Variants in DGKB observed in about 807,000 individuals in gnomAD.
The protein encoded by DGKB is 90 kDa diacylglycerol kinase.
In DGKB, 67 loss-of-function variants were observed where a neutral mutation model predicts 114.3. That is an observed-to-expected ratio of 0.59 (90% CI 0.48 to 0.72). The LOEUF is 0.72. Ranked by LOEUF, DGKB falls within the 30% of genes least tolerant of loss-of-function variation. The pLI, the probability that DGKB is intolerant of heterozygous loss-of-function variation, is 0.00. For synonymous variants in DGKB, 398 were observed against 323.1 expected (o/e 1.23, Z -2.49); for missense variants, 907 against 975.2 (o/e 0.93, Z 0.93).
rs1412279774 is a variant in DGKB, at chr7:14,259,312, ATTAAG to A, written c.2122+79198_2122+79202del. 7.8e-5 allele frequency among the ~76,000 whole-genome samples: 9 copies of A among 114,878 alleles called. 1 individual carries two copies. Among genetic ancestry groups the A allele is most frequent in the African/African-American group, 3.6e-4 (9 of 24,790 alleles). The allele number at this position is 114,878 out of a possible 152,430, so 75.4% of individuals were successfully genotyped here. On this transcript the variant is annotated intron_variant, in intron 23 of 25. Coordinates refer to ENST00000402815, the MANE Select transcript of DGKB (RefSeq NM_001350709.2). ...CAATACTGGCAAATTAACAAGGTCT[ATTAAG>A]TTAACCTCAATTAAATCTTTCGTGT...
chr7:14,249,371 G>A (rs1457961743), intron 23 of DGKB, among the ~76,000 whole-genome samples: 1 of 152,056 alleles, frequency 6.6e-6, no homozygotes. Flanking sequence ...TTAGTCGGGA[G>A]GTATTCCTTC....
At position 14,659,178 on chromosome 7, in the gene DGKB, G is replaced by A. The variant is rs183055276; in HGVS notation, c.1134+13751C>T. ...AAAGGCTCATCAGATATTATAACAAGAGAGTGTATTCCAGGAAGAACACAC... is the reference window on the plus strand; with the variant it reads ...AAAGGCTCATCAGATATTATAACAAAAGAGTGTATTCCAGGAAGAACACAC... On this transcript the variant is annotated intron_variant, in intron 13 of 25. Transcript: ENST00000402815. 2.6e-5 allele frequency among the ~76,000 whole-genome samples: 4 copies of A among 152,066 alleles called. No individual in the cohort carries two copies. The East Asian group carries it at 5.8e-4, about 22-fold the overall frequency.
chr7:14,555,129 G>C (rs1199956735), intron 20 of DGKB, among the ~76,000 whole-genome samples: 2 of 151,964 alleles, frequency 1.3e-5, no homozygotes, highest in South Asian at 2.1e-4. Context: ...ATTTCACATG[G>C]CTTTGAAGTA....
chr7:14,654,185 G>A (rs1407144570), intron 13 of DGKB, among the ~76,000 whole-genome samples: 1 of 151,906 alleles, frequency 6.6e-6, no homozygotes, highest in East Asian at 1.9e-4. Context: ...GTTTAATAAA[G>A]TTGCAGGATA....
chr7:14,530,951 C>CA (rs902015245), intron 20 of DGKB, among the ~76,000 whole-genome samples: 3 of 151,092 alleles, frequency 2.0e-5, no homozygotes, highest in East Asian at 1.9e-4. Context: ...AAATTTAAAC[C>CA]AAAAAAATCT....
At position 14,779,373 on chromosome 7, in the gene DGKB, A is replaced by T. The variant is rs6960045; in HGVS notation, c.71-21642T>A. 6.4e-3 allele frequency among the ~76,000 whole-genome samples: 968 copies of T among 151,790 alleles called. 12 individuals are homozygous for T. Among genetic ancestry groups the T allele is most frequent in the African/African-American group, 0.022 (919 of 41,394 alleles). On this transcript the variant is annotated intron_variant, in intron 2 of 25. Transcript: ENST00000402815. Reference sequence around the variant, plus strand: ...AAACATGGTGAAACCTGGTCTCTATAAAAAAATACAAAAATTAGCTGGGTC... The same window carrying T: ...AAACATGGTGAAACCTGGTCTCTATTAAAAAATACAAAAATTAGCTGGGTC...
chr7:14,198,707 AT>A (rs1357385451), intron 23 of DGKB, among the ~76,000 whole-genome samples: 2 of 152,038 alleles, frequency 1.3e-5, no homozygotes, highest in Admixed American at 1.3e-4. Flanking sequence ...ATATCAAAAT[AT>A]TTCACAATCA....
intron 13 of DGKB, among the ~76,000 whole-genome samples, chr7:14,659,909 C>G (rs1055994768): frequency 2.6e-5 from 4 of 151,922 alleles, no homozygotes; most frequent in African/African-American, 9.7e-5. Flanking sequence ...TACGTCCCAT[C>G]AATACCTAAT....
At chr7:14,199,800 A>G (rs1384072426) in intron 23 of DGKB, among the ~76,000 whole-genome samples, 1 of 152,092 alleles carries the variant, frequency 6.6e-6, no homozygotes, top group African/African-American at 2.4e-5. Context: ...AGGAGTAGTG[A>G]CAACGAAGTA....
At chr7:14,562,161 G>C (rs1005791079) in intron 20 of DGKB, among the ~76,000 whole-genome samples, 1 of 152,226 alleles carries the variant, frequency 6.6e-6, no homozygotes, top group Non-Finnish European at 1.5e-5. Flanking sequence ...AGCCTTGGCA[G>C]CTTCCACATG....
intron 21 of DGKB, among the ~76,000 whole-genome samples, chr7:14,407,432 A>G (rs7790717): frequency 6.6e-6 from 1 of 151,736 alleles, no homozygotes; most frequent in African/African-American, 2.4e-5. Flanking sequence ...ACGGTGTGAG[A>G]CTGGAGAACT....
At chr7:14,803,812 C>T (rs954702895) in intron 2 of DGKB, among the ~76,000 whole-genome samples, 29 of 151,940 alleles carry the variant, frequency 1.9e-4, no homozygotes, top group African/African-American at 7.0e-4. Flanking sequence ...AAGTTACTTA[C>T]CCTTATATGC....
chr7:14,648,564 T>A (rs984458723), intron 13 of DGKB, among the ~76,000 whole-genome samples: 5 of 151,948 alleles, frequency 3.3e-5, no homozygotes, highest in African/African-American at 1.2e-4. Flanking sequence ...ACAGGAAAAC[T>A]GGAAACTCTA....
chr7:14,460,244 A>C (rs533498454), intron 21 of DGKB, among the ~76,000 whole-genome samples: 1 of 152,274 alleles, frequency 6.6e-6, no homozygotes, highest in East Asian at 1.9e-4. Flanking sequence ...ATTCACACAT[A>C]ACAATATTAA....
rs189127418 is a variant in DGKB, at chr7:14,671,589, C to T, written c.1134+1340G>A. Among the ~76,000 whole-genome samples the T allele has an allele frequency of 6.2e-4, 95 of 152,176 alleles. 1 individual carries two copies. The East Asian group carries it at 0.012, about 19-fold the overall frequency. ...GTGATAGCATAATAAAAAGAATACA[C>T]CTTATGTTTGAATTTATATAACTAG... On this transcript the variant is annotated intron_variant, in intron 13 of 25. Coordinates refer to ENST00000402815, the MANE Select transcript of DGKB (RefSeq NM_001350709.2).
intron 6 of DGKB, 94 bp from the exon 7 acceptor site, chr7:14,701,824 A>G (rs1825238902): frequency 1.2e-6 from 1 of 823,518 alleles, no homozygotes; most frequent in Non-Finnish European, 2.1e-6. Flanking sequence ...TGTGTTGAAA[A>G]CAAATACTAA....
intron 20 of DGKB, among the ~76,000 whole-genome samples, chr7:14,530,077 G>C (rs1227250566): frequency 1.3e-5 from 2 of 151,536 alleles, no homozygotes; most frequent in Admixed American, 6.6e-5. Context: ...CTTTGATTGA[G>C]AGCTCATTAA....
chr7:14,755,682 A>C (rs1456687874), intron 3 of DGKB, among the ~76,000 whole-genome samples: 1 of 152,110 alleles, frequency 6.6e-6, no homozygotes, highest in Non-Finnish European at 1.5e-5. Flanking sequence ...AGAGAACTTT[A>C]AGGGCATAAA....
At chr7:14,392,024 T>G (rs1355668990) in intron 21 of DGKB, among the ~76,000 whole-genome samples, 1 of 152,196 alleles carries the variant, frequency 6.6e-6, no homozygotes, top group African/African-American at 2.4e-5. Flanking sequence ...ACTATAACTC[T>G]TAGTACATTT....
Sources: gnomAD v4.1 joint callset for allele counts (sites outside exome capture counted in the v4.1 genomes callset) on GRCh38, gnomAD v4.1.1 for gene constraint, MANE v1.5 for transcripts, NCBI Gene and HGNC (gene_info 2026-07-23, HGNC 2026-07-21) for gene names.